RNF216: variants seen among roughly 807,000 people sequenced by gnomAD.
The protein encoded by RNF216 is ring finger protein 216, also known as E3 ubiquitin-protein ligase RNF216.
A neutral mutation model predicts 110.8 loss-of-function variants in RNF216; 72 were observed. The ratio of observed to expected loss-of-function variants is 0.65; its 90% confidence interval spans 0.54 to 0.79. The LOEUF (loss-of-function observed/expected upper bound fraction) is 0.79, where lower values mean the gene tolerates loss of function less well. RNF216 is among the 30% of genes least tolerant of loss of function. The pLI, the probability that RNF216 is intolerant of heterozygous loss-of-function variation, is 0.00. For missense variants in RNF216, 1,342 were observed against 1,141.2 expected (o/e 1.18, Z -2.54); for synonymous variants, 495 against 407.5 (o/e 1.21, Z -2.59).
chr7:5,765,815 G>T (rs1796175475), intron 1 of RNF216, among the ~76,000 whole-genome samples: 1 of 151,176 alleles, frequency 6.6e-6, no homozygotes, highest in Non-Finnish European at 1.5e-5. Context: ...AATTAGCCAG[G>T]CGTGGCAGTA....
At chr7:5,757,368 T>G (rs1319045805) in intron 2 of RNF216, among the ~76,000 whole-genome samples, 1 of 151,896 alleles carries the variant, frequency 6.6e-6, no homozygotes, top group African/African-American at 2.4e-5. Flanking sequence ...TGGCTGGAGT[T>G]TCTATCAGTT....
chr7:5,692,718 T>C (rs771503307), intron 13 of RNF216, among the ~76,000 whole-genome samples: 47 of 152,230 alleles, frequency 3.1e-4, no homozygotes, highest in Non-Finnish European at 6.2e-4. Context: ...CCAGAAGAAA[T>C]AGCTTGGAGT....
At chr7:5,728,585 GAAAA>G (rs1364294995) in intron 7 of RNF216, among the ~76,000 whole-genome samples, 1 of 150,912 alleles carries the variant, frequency 6.6e-6, no homozygotes, top group Non-Finnish European at 1.5e-5. Flanking sequence ...AAAAAAAAAA[GAAAA>G]AGAAAAAGAA....
intron 13 of RNF216, among the ~76,000 whole-genome samples, chr7:5,658,761 T>A (rs1343208949): frequency 6.6e-6 from 1 of 152,172 alleles, no homozygotes; most frequent in Non-Finnish European, 1.5e-5. Context: ...TATCTGTGTA[T>A]GTTTTGCCAT....
At chr7:5,701,953 AC>A (rs1562406391) in intron 13 of RNF216, among the ~76,000 whole-genome samples, 4 of 152,214 alleles carry the variant, frequency 2.6e-5, no homozygotes, top group Admixed American at 6.5e-5. Context: ...GGAAACACTA[AC>A]CCAGGAAGGC....
intron 13 of RNF216, among the ~76,000 whole-genome samples, chr7:5,703,392 T>C (rs899480580): frequency 7.2e-5 from 11 of 152,360 alleles, no homozygotes; most frequent in African/African-American, 2.4e-4. Context: ...CCACCCGCCA[T>C]CACAGCTGGA....
chr7:5,701,816 C>T (rs1319085513), intron 13 of RNF216, among the ~76,000 whole-genome samples: 3 of 152,292 alleles, frequency 2.0e-5, no homozygotes, highest in Non-Finnish European at 2.9e-5. Flanking sequence ...ACACTTCTCA[C>T]GTAAGGGCTT....
rs1356367435 is a variant in RNF216 at position 5,696,195 on chromosome 7, A to C, written c.2061+15566T>G. Among the ~76,000 whole-genome samples the C allele has an allele frequency of 6.6e-6, 1 of 152,206 alleles. No homozygotes were observed. The highest frequency in any genetic ancestry group is 1.5e-5 in the Non-Finnish European group (1 of 68,040). On this transcript the variant is annotated intron_variant, in intron 13 of 16. Transcript: ENST00000389902. The surrounding 1 kb of genome is among the most constrained non-coding windows in gnomAD (Gnocchi z 5.4). ...AGAGCAGTTGGTACCGCATGGCTTT[A>C]AATTGTTTGTATTTCTGTCAGGAGG...
intron 2 of RNF216, among the ~76,000 whole-genome samples, chr7:5,759,014 T>C (rs944447551): frequency 3.9e-5 from 6 of 152,106 alleles, no homozygotes; most frequent in African/African-American, 7.2e-5. Context: ...TGGGAGGTAA[T>C]TGGATCATGG....
chr7:5,754,575 T>C (rs1795516679), intron 2 of RNF216, among the ~76,000 whole-genome samples: 1 of 152,102 alleles, frequency 6.6e-6, no homozygotes, highest in Non-Finnish European at 1.5e-5. Context: ...AGAAAAGCTC[T>C]AGCCATTGGT....
chr7:5,732,106 A>C, intron 5 of RNF216, among the ~76,000 whole-genome samples: 1 of 152,210 alleles, frequency 6.6e-6, no homozygotes, highest in East Asian at 1.9e-4. Flanking sequence ...GAGGAAAAAA[A>C]GCAGCAAACT....
intron 7 of RNF216, among the ~76,000 whole-genome samples, chr7:5,728,033 C>T (rs370707197): frequency 2.6e-5 from 4 of 152,264 alleles, no homozygotes; most frequent in African/African-American, 9.6e-5. Flanking sequence ...AGATGTCTCA[C>T]AGGCCCTTCT....
intron 9 of RNF216, 132 bp from the exon 10 acceptor site, chr7:5,716,898 G>A: frequency 1.7e-6 from 1 of 590,906 alleles, no homozygotes; most frequent in Non-Finnish European, 2.9e-6. Context: ...AGTTCAAAAA[G>A]GTTACCTGTG....
intron 1 of RNF216, among the ~76,000 whole-genome samples, chr7:5,770,985 G>A (rs1366634765): frequency 6.6e-6 from 1 of 151,908 alleles, no homozygotes; most frequent in African/African-American, 2.4e-5. Context: ...TTTTTGTATT[G>A]TTAGTAGAGA....
At chr7:5,723,237 A>G (rs188863836) in intron 8 of RNF216, among the ~76,000 whole-genome samples, 2 of 152,356 alleles carry the variant, frequency 1.3e-5, no homozygotes, top group African/African-American at 4.8e-5. Context: ...TACTGTAATT[A>G]TCAATGCTAC....
At position 5,622,787 on chromosome 7, in the gene RNF216, C is replaced by G; in HGVS notation, c.*73G>C. ...AGGATGCAATGGTACAGACACCAGC[C>G]TTGGGGGAGGGTTCTCCATCCACAC... On this transcript the variant is annotated 3_prime_UTR_variant, in exon 17 of 17. Transcript: ENST00000389902. 1.4e-6 allele frequency: 2 copies of G among 1,428,334 alleles called. No homozygotes were observed. The highest frequency in any genetic ancestry group is 1.9e-6 in the Non-Finnish European group (2 of 1,047,958). 88.5% of individuals were successfully genotyped at this position (1,428,334 alleles called of 1,614,324 possible).
chr7:5,647,328 CTTTTTTT>C (rs10617479), intron 14 of RNF216, among the ~76,000 whole-genome samples: 44 of 94,808 alleles, frequency 4.6e-4, no homozygotes, highest in Admixed American at 1.1e-3. Flanking sequence ...TTCTTTCTTT[CTTTTTTT>C]TTTTTTTTTT....
intron 13 of RNF216, among the ~76,000 whole-genome samples, chr7:5,689,181 C>A (rs1013751785): frequency 6.6e-6 from 1 of 151,782 alleles, no homozygotes; most frequent in African/African-American, 2.4e-5. Flanking sequence ...TGGAGTGCAG[C>A]GCTAAGGGTC....
At position 5,649,603 on chromosome 7, in the gene RNF216, G is replaced by A. The variant is rs539264946; in HGVS notation, c.2159+2810C>T. ...GATAAGGAAAGGCAAGTTGAAGCCC[G>A]TGGAGCACCCTCTCTCTAAAAAAAA... On this transcript the variant is annotated intron_variant, in intron 14 of 16. Coordinates refer to ENST00000389902, the MANE Select transcript of RNF216 (RefSeq NM_207111.4). 4.6e-5 allele frequency: 7 copies of A among 151,976 alleles called. No homozygotes were observed. The East Asian group carries it at 1.4e-3, about 29-fold the overall frequency. The allele number at this position is 151,976 out of a possible 1,614,324, so 9.4% of individuals were successfully genotyped here.
Sources: gnomAD v4.1 joint callset for allele counts (sites outside exome capture counted in the v4.1 genomes callset) on GRCh38, gnomAD v4.1.1 for gene constraint, Gnocchi (gnomAD v3.1) non-coding constraint, MANE v1.5 for transcripts, NCBI Gene and HGNC (gene_info 2026-07-23, HGNC 2026-07-21) for gene names.